The following KCNH8 variants were observed in gnomAD, a reference collection of about 807,000 sequenced individuals.
KCNH8 encodes voltage-gated delayed rectifier potassium channel KCNH8.
A neutral mutation model predicts 103.6 loss-of-function variants in KCNH8; 70 were observed. That is an observed-to-expected ratio of 0.68 (90% CI 0.56 to 0.82). The LOEUF (loss-of-function observed/expected upper bound fraction) is 0.82, where lower values mean the gene tolerates loss of function less well. Among genes scored for constraint, KCNH8 ranks in the 40% least tolerant of loss-of-function variants. The pLI, the probability that KCNH8 is intolerant of heterozygous loss-of-function variation, is 0.00. For missense variants in KCNH8, 1,217 were observed against 1,329.9 expected (o/e 0.92, Z 1.32); for synonymous variants, 498 against 489.4 (o/e 1.02, Z -0.23).
At chr3:19,457,406 T>C (rs572516426) in intron 11 of KCNH8, among the ~76,000 whole-genome samples, 92 of 152,120 alleles carry the variant, frequency 6.0e-4, no homozygotes, top group African/African-American at 1.9e-3. Flanking sequence ...TTTTATTTAA[T>C]GGTACACAAA....
intron 2 of KCNH8, among the ~76,000 whole-genome samples, chr3:19,273,681 C>T (rs1350019948): frequency 6.6e-6 from 1 of 152,098 alleles, no homozygotes; most frequent in Non-Finnish European, 1.5e-5. Flanking sequence ...AATATGGTGC[C>T]TCATATGTTA....
chr3:19,351,705 C>G (rs1029588551), intron 5 of KCNH8, among the ~76,000 whole-genome samples: 3 of 152,052 alleles, frequency 2.0e-5, no homozygotes, highest in Non-Finnish European at 4.4e-5. Context: ...TTGTCACCAC[C>G]AGGCCTGCCT....
At chr3:19,363,418 TC>T (rs1425382224) in intron 5 of KCNH8, among the ~76,000 whole-genome samples, 1 of 152,144 alleles carries the variant, frequency 6.6e-6, no homozygotes, top group Non-Finnish European at 1.5e-5. Flanking sequence ...AACTGGGACT[TC>T]CAGTAACACA....
intron 15 of KCNH8, among the ~76,000 whole-genome samples, chr3:19,529,639 T>C (rs551684770): frequency 5.2e-4 from 79 of 152,290 alleles, no homozygotes; most frequent in African/African-American, 1.6e-3. Context: ...TAAACAAAAA[T>C]GCAGTAAAAC....
chr3:19,466,216 A>G (rs1453351360), intron 11 of KCNH8, among the ~76,000 whole-genome samples: 1 of 152,100 alleles, frequency 6.6e-6, no homozygotes, highest in Non-Finnish European at 1.5e-5. Flanking sequence ...GTTAGCCACC[A>G]TACCCAGCCA....
intron 3 of KCNH8, among the ~76,000 whole-genome samples, chr3:19,307,884 T>A (rs998007605): frequency 1.5e-4 from 22 of 151,314 alleles, no homozygotes; most frequent in Admixed American, 1.3e-3. Flanking sequence ...ATATACTAGA[T>A]GTTGGTAAGG....
chr3:19,148,724 C>T lies in KCNH8; in HGVS notation c.5C>T (p.Pro2Leu). 1 of 1,614,012 alleles carries T rather than the reference C, an allele frequency of 6.2e-7. No individual in the cohort carries two copies. Among genetic ancestry groups the T allele is most frequent in the Non-Finnish European group, 8.5e-7 (1 of 1,179,906 alleles). The change falls in exon 1 of 16, where the codon CCG becomes CTG. Residue 2 changes from proline to leucine, a missense_variant. Coordinates refer to ENST00000328405, the MANE Select transcript of KCNH8 (RefSeq NM_144633.3). MPVMKGLLAPQN... is the reference protein window; with the variant it reads MLVMKGLLAPQN... The stretch of plus-strand genomic sequence containing the variant: ...ATTTCACACCACGCTGGAAAAATGC[C>T]GGTTATGAAAGGATTACTGGCGCCG...
intron 11 of KCNH8, among the ~76,000 whole-genome samples, chr3:19,468,086 A>G (rs2067780603): frequency 1.3e-5 from 2 of 152,142 alleles, no homozygotes; most frequent in Admixed American, 6.5e-5. Flanking sequence ...ATCCTCTGTT[A>G]TATCACCTTG....
chr3:19,222,196 A>G (rs1217610075), intron 1 of KCNH8, among the ~76,000 whole-genome samples: 2 of 152,108 alleles, frequency 1.3e-5, no homozygotes. Flanking sequence ...ATATGAGTAG[A>G]TTTTCATAGC....
chr3:19,258,951 A>C (rs79461730), intron 2 of KCNH8, among the ~76,000 whole-genome samples: 2,180 of 64,646 alleles, frequency 0.034, 14 homozygotes, highest in African/African-American at 0.046. Flanking sequence ...CTCTCTCTAT[A>C]TATATATATA....
intron 5 of KCNH8, among the ~76,000 whole-genome samples, chr3:19,363,834 A>G (rs957635530): frequency 6.6e-6 from 1 of 152,152 alleles, no homozygotes; most frequent in African/African-American, 2.4e-5. Flanking sequence ...AATTTATAGT[A>G]TAGTCATTTT....
chr3:19,168,985 T>A (rs1371904638), intron 1 of KCNH8, among the ~76,000 whole-genome samples: 1 of 152,188 alleles, frequency 6.6e-6, no homozygotes, highest in African/African-American at 2.4e-5. Flanking sequence ...CAGGAGCAAG[T>A]CTGGGATCAT....
chr3:19,295,138 C>G (rs2064978995), intron 3 of KCNH8, among the ~76,000 whole-genome samples: 1 of 151,970 alleles, frequency 6.6e-6, no homozygotes, highest in Non-Finnish European at 1.5e-5. Context: ...CATGTGTAAT[C>G]CCAATTTGGG....
chr3:19,237,451 A>G (rs1454191015), intron 1 of KCNH8, among the ~76,000 whole-genome samples: 1 of 152,218 alleles, frequency 6.6e-6, no homozygotes, highest in Non-Finnish European at 1.5e-5. Context: ...TTGTTCTCCA[A>G]AAGCTGTGCT....
rs140977915 is a variant in KCNH8 at position 19,278,203 on chromosome 3, A to G, written c.311-2995A>G. ...GCAGAGAAGCAAAGGATAAGCGAGC[A>G]TGCTAAGTATAAAGAGTCTTGCATT... On this transcript the variant is annotated intron_variant, in intron 2 of 15. Coordinates refer to ENST00000328405, the MANE Select transcript of KCNH8 (RefSeq NM_144633.3). Among the ~76,000 whole-genome samples the G allele has an allele frequency of 2.8e-3, 431 of 152,258 alleles. 3 individuals carry two copies. Among genetic ancestry groups the G allele is most frequent in the African/African-American group, 1.0e-2 (414 of 41,566 alleles).
chr3:19,408,363 A>G (rs964020498), intron 7 of KCNH8, among the ~76,000 whole-genome samples: 2 of 152,070 alleles, frequency 1.3e-5, no homozygotes, highest in Admixed American at 1.3e-4. Context: ...AAAAGAAAAA[A>G]TCCTACCTGC....
chr3:19,422,082 T>C (rs1028017763), intron 7 of KCNH8, among the ~76,000 whole-genome samples: 2 of 152,086 alleles, frequency 1.3e-5, no homozygotes, highest in Non-Finnish European at 2.9e-5. Flanking sequence ...CAAATGGCAT[T>C]GCAATCAAAA....
chr3:19,388,523 T>A (rs1288364579), intron 5 of KCNH8, among the ~76,000 whole-genome samples: 1 of 152,136 alleles, frequency 6.6e-6, no homozygotes, highest in Non-Finnish European at 1.5e-5. Flanking sequence ...GCAGTGTAAT[T>A]CACCTGGGAT....
At chr3:19,311,484 A>G (rs2065207990) in intron 3 of KCNH8, among the ~76,000 whole-genome samples, 1 of 151,078 alleles carries the variant, frequency 6.6e-6, no homozygotes, top group Non-Finnish European at 1.5e-5. Flanking sequence ...TATATATTAA[A>G]TAATAATTAA....
Sources: allele counts gnomAD v4.1 joint callset (sites outside exome capture counted in the v4.1 genomes callset), GRCh38; gene constraint gnomAD v4.1.1; transcripts MANE v1.5; gene names NCBI Gene and HGNC (gene_info 2026-07-23, HGNC 2026-07-21).